Variants in ROS1 observed in about 807,000 individuals in gnomAD.
ROS1 encodes ROS proto-oncogene 1, receptor tyrosine kinase.
Under a neutral mutation model 273.5 loss-of-function variants are expected in ROS1, and 263 were observed. That is an observed-to-expected ratio of 0.96 (90% CI 0.87 to 1.06). ROS1 has a LOEUF of 1.06. Ranked by LOEUF, ROS1 falls within the 50% of genes least tolerant of loss-of-function variation. ROS1 has a pLI of 0.00. For missense variants in ROS1, 2,833 were observed against 2,751.1 expected, an observed-to-expected ratio of 1.03 and a Z score of -0.67; for synonymous variants, 1,008 against 954.1, an observed-to-expected ratio of 1.06 and a Z score of -1.04.
intron 42 of ROS1, among the ~76,000 whole-genome samples, chr6:117,308,058 C>A (rs1775244918): frequency 6.6e-6 from 1 of 152,106 alleles, no homozygotes; most frequent in Non-Finnish European, 1.5e-5. Context: ...AGAGTTCATA[C>A]TTATTTGCTC....
intron 9 of ROS1, among the ~76,000 whole-genome samples, chr6:117,395,040 A>G (rs969526554): frequency 6.6e-6 from 1 of 152,090 alleles, no homozygotes; most frequent in Non-Finnish European, 1.5e-5. Flanking sequence ...TCAGCTTATT[A>G]TTTTCAGCCA....
At chr6:117,289,159 A>T (rs370487232) in intron 43 of ROS1, among the ~76,000 whole-genome samples, 1 of 152,212 alleles carries the variant, frequency 6.6e-6, no homozygotes, top group Non-Finnish European at 1.5e-5. Flanking sequence ...ATAGGACTTA[A>T]TTGGCCCTTA....
At chr6:117,377,044 A>G (rs1271293596) in intron 18 of ROS1, among the ~76,000 whole-genome samples, 1 of 152,238 alleles carries the variant, frequency 6.6e-6, no homozygotes, top group East Asian at 1.9e-4. Context: ...TGGCAAAAAG[A>G]GTAGACAAAT....
At chr6:117,401,523 G>T (rs562472631) in intron 7 of ROS1, among the ~76,000 whole-genome samples, 1 of 151,714 alleles carries the variant, frequency 6.6e-6, no homozygotes, top group African/African-American at 2.4e-5. Context: ...GGCCGTTTTT[G>T]TTTTATCTTT....
chr6:117,377,168 T>C (rs1476837383), intron 18 of ROS1, among the ~76,000 whole-genome samples: 1 of 152,190 alleles, frequency 6.6e-6, no homozygotes, highest in Non-Finnish European at 1.5e-5. Flanking sequence ...TGGAGTGCAA[T>C]GGCGCGATCT....
chr6:117,352,938 T>C, intron 27 of ROS1, 52 bp downstream of exon 27: 1 of 1,545,596 alleles, frequency 6.5e-7, no homozygotes, highest in South Asian at 1.2e-5. Flanking sequence ...TTATGAGATT[T>C]TTCTGACCCT....
intron 5 of ROS1, 96 bp from the exon 6 acceptor site, chr6:117,404,524 G>T: frequency 9.2e-7 from 1 of 1,091,466 alleles, no homozygotes; most frequent in Non-Finnish European, 1.3e-6. Flanking sequence ...GTATTCTCTT[G>T]CTAAAACTGC....
At chr6:117,412,998 T>C (rs1775047590) in intron 4 of ROS1, among the ~76,000 whole-genome samples, 1 of 152,158 alleles carries the variant, frequency 6.6e-6, no homozygotes, top group Admixed American at 6.6e-5. Flanking sequence ...TCTTTACATA[T>C]GGGTGACTTT....
At position 117,402,202 on chromosome 6, in the gene ROS1, G is replaced by A. The variant is rs942194869; in HGVS notation, c.604+937C>T. 3.9e-5 allele frequency among the ~76,000 whole-genome samples: 6 copies of A among 152,044 alleles called. No homozygotes were observed. In the South Asian group the frequency reaches 1.2e-3, roughly 32 times the overall value. ...TCTGGCCCCCATCTCTCTGACCTTAGCTGTTACTCCTCTGCCTCCTGCACT... is the reference window on the plus strand; with the variant it reads ...TCTGGCCCCCATCTCTCTGACCTTAACTGTTACTCCTCTGCCTCCTGCACT... On this transcript the variant is annotated intron_variant, in intron 7 of 43. Transcript: ENST00000368507.
rs994812817 is a variant in ROS1 at position 117,287,578 on chromosome 6, C to T, written c.*914G>A. ...AGTCTTATTTTCAACATGACTGAATCTACTGTTGTAAGCCTCAAAACTACA... is the reference window on the plus strand; with the variant it reads ...AGTCTTATTTTCAACATGACTGAATTTACTGTTGTAAGCCTCAAAACTACA... On this transcript the variant is annotated 3_prime_UTR_variant, in exon 44 of 44. Coordinates refer to ENST00000368507, the MANE Select transcript of ROS1 (RefSeq NM_001378902.1). 6.6e-6 allele frequency among the ~76,000 whole-genome samples: 1 copy of T among 152,154 alleles called. No homozygotes were observed. The highest frequency in any genetic ancestry group is 2.4e-5 in the African/African-American group (1 of 41,414).
Position 117,397,014 on chromosome 6 carries a change from C to T in ROS1, c.707G>A (p.Gly236Asp), listed in dbSNP as rs1459152647. The T allele has an allele frequency of 2.5e-6, 4 of 1,613,762 alleles. No homozygotes were observed. The East Asian group carries it at 6.7e-5, about 27-fold the overall frequency. ...TTTGCTGATCAGCCTTAAGTTATAA[C>T]CCAAAATAGGTCCACCTGGGAATTG... ...PPQFPGGPIL[G>D]YNLRLISKNQ... The change falls in exon 8 of 44, where the codon GGT (glycine) becomes GAT (aspartate). Residue 236 changes from glycine (G) to aspartate (D), a missense_variant. Physicochemically the swap from Gly to Asp is moderately conservative, Grantham distance 94 (BLOSUM62 -1). Transcript: ENST00000368507.
chr6:117,335,806 G>A (rs1447096956), intron 32 of ROS1, among the ~76,000 whole-genome samples: 3 of 152,250 alleles, frequency 2.0e-5, no homozygotes, highest in Admixed American at 6.5e-5. Context: ...TGGATACAGA[G>A]AGGGGAACAG....
At chr6:117,409,757 T>C (rs1434047193) in intron 4 of ROS1, 115 bp from the exon 5 acceptor site, 1 of 759,440 alleles carries the variant, frequency 1.3e-6, no homozygotes, top group Non-Finnish European at 2.3e-6. Context: ...CTTTGACCAA[T>C]ATACGAGTAA....
chr6:117,366,095 T>C lies in ROS1; in HGVS notation c.2778A>G (p.Thr926=), dbSNP rs191130831. The C allele has an allele frequency of 3.1e-6, 5 of 1,613,914 alleles. No individual in the cohort carries two copies. The Admixed American group carries it at 8.3e-5, about 27-fold the overall frequency. ...ARFNQFTIIQ[T]SLKPLPGNFS... The stretch of plus-strand genomic sequence containing the variant: ...CTGTACCTGGCAGGGGCTTAAGGGA[T>C]GTCTGAATAATTGTGAACTGATTAA... The change falls in exon 19 of 44, where the codon ACA becomes ACG. Residue 926 remains threonine (T), a synonymous_variant. Transcript: ENST00000368507.
In ROS1 at chr6:117,423,780, C is replaced by T. The variant is rs544074129; in HGVS notation, c.123+1754G>A. ...ATAGATGACCTTCAGAGTAAATGTCCATGTTTTTAAAAATGATGCAGAAAA... is the reference window on the plus strand; with the variant it reads ...ATAGATGACCTTCAGAGTAAATGTCTATGTTTTTAAAAATGATGCAGAAAA... On this transcript the variant is annotated intron_variant, in intron 1 of 43. Transcript: ENST00000368507. Among the ~76,000 whole-genome samples, 359 of 151,974 alleles carry T rather than the reference C, an allele frequency of 2.4e-3. 1 individual carries two copies. Among genetic ancestry groups the T allele is most frequent in the Non-Finnish European group, 4.2e-3 (287 of 67,982 alleles).
intron 18 of ROS1, among the ~76,000 whole-genome samples, chr6:117,367,533 A>T (rs942028998): frequency 1.3e-5 from 2 of 152,196 alleles, no homozygotes; most frequent in Non-Finnish European, 2.9e-5. Context: ...CATCTAACCC[A>T]GTTCACGTGA....
intron 12 of ROS1, among the ~76,000 whole-genome samples, chr6:117,390,299 G>A (rs548244517): frequency 6.6e-6 from 1 of 152,008 alleles, no homozygotes; most frequent in South Asian, 2.1e-4. Context: ...GCTAATTTTT[G>A]TATTTTTTGT....
chr6:117,404,477 G>A (rs1197425663), intron 5 of ROS1, 49 bp from the exon 6 acceptor site: 4 of 1,566,146 alleles, frequency 2.6e-6, no homozygotes, highest in Middle Eastern at 1.7e-4. Context: ...GTCCATCAGC[G>A]CAAGAGAGTG....
At chr6:117,424,173 G>T (rs1192096632) in intron 1 of ROS1, among the ~76,000 whole-genome samples, 1 of 152,044 alleles carries the variant, frequency 6.6e-6, no homozygotes, top group Non-Finnish European at 1.5e-5. Flanking sequence ...ATAAATTATG[G>T]TGGTACATTC....
Sources: gnomAD v4.1 joint callset for allele counts (sites outside exome capture counted in the v4.1 genomes callset) on GRCh38, gnomAD v4.1.1 for gene constraint, MANE v1.5 for transcripts, NCBI Gene and HGNC (gene_info 2026-07-23, HGNC 2026-07-21) for gene names.